Variants in KLF15 observed in about 807,000 individuals in gnomAD.
The protein encoded by KLF15 is Krueppel-like factor 15.
KLF15 carries 4 observed loss-of-function variants against 24.6 expected under a neutral mutation model. That is an observed-to-expected ratio of 0.16 (90% CI 0.08 to 0.37). The LOEUF is 0.37. KLF15 is among the 10% of genes least tolerant of loss of function. KLF15 has a pLI of 1.00. For synonymous variants in KLF15, 246 were observed against 236.3 expected (o/e 1.04, Z -0.37); for missense variants, 496 against 560.6 (o/e 0.88, Z 1.16).
the KLF15 span, among the ~76,000 whole-genome samples, chr3:126,296,820 G>A: frequency 1.3e-5 from 2 of 152,132 alleles, no homozygotes; most frequent in Admixed American, 6.5e-5. Context: ...TATTTTGAGG[G>A]GATATTCATC....
chr3:126,350,430 A>G (rs964050032), intron 2 of KLF15, among the ~76,000 whole-genome samples: 1 of 152,220 alleles, frequency 6.6e-6, no homozygotes, highest in African/African-American at 2.4e-5. Context: ...AGGGGCCTCC[A>G]TAAACCTAGA....
At chr3:126,339,624 C>T (rs2082464651), downstream of KLF15, among the ~76,000 whole-genome samples, 1 of 152,202 alleles carries the variant, frequency 6.6e-6, no homozygotes, top group Non-Finnish European at 1.5e-5. Flanking sequence ...TTCAGATCGC[C>T]TCCTCATGCC....
At chr3:126,316,521 T>TGGGGAGGGAGTACGTGGGCCGGAGTA in the KLF15 span, among the ~76,000 whole-genome samples, 269 of 25,518 alleles carry the variant, frequency 0.011, 4 homozygotes, top group African/African-American at 0.053. Flanking sequence ...TGAGCTGCAG[T>TGGGGAGGGAGTACGTGGGCCGGAGTA]GGGGAGGGAG....
At chr3:126,300,459 G>A in the KLF15 span, among the ~76,000 whole-genome samples, 1 of 152,322 alleles carries the variant, frequency 6.6e-6, no homozygotes, top group East Asian at 1.9e-4. Context: ...GAGCGTCGGG[G>A]GTCTTCCTCC....
At chr3:126,326,742 CTGT>C in the KLF15 span, among the ~76,000 whole-genome samples, 108 of 152,182 alleles carry the variant, frequency 7.1e-4, no homozygotes, top group African/African-American at 2.6e-3. Context: ...TTGTTTTTAA[CTGT>C]TGTTGTATTT....
chr3:126,341,075 C>T (rs771116178), downstream of KLF15, among the ~76,000 whole-genome samples: 4 of 152,190 alleles, frequency 2.6e-5, no homozygotes, highest in Non-Finnish European at 4.4e-5. Flanking sequence ...CCAGGATCAA[C>T]AGGCAGTGCG....
the KLF15 span, among the ~76,000 whole-genome samples, chr3:126,291,926 C>T: frequency 6.8e-4 from 104 of 152,328 alleles, no homozygotes; most frequent in African/African-American, 2.5e-3. Context: ...CAGAAGTCCC[C>T]GAGTACCCAC....
chr3:126,346,275 CGCCTCCCAG>C lies in KLF15; in HGVS notation c.1083-2389_1083-2381del, dbSNP rs565256936. Among the ~76,000 whole-genome samples, 166 of 152,300 alleles carry C rather than the reference CGCCTCCCAG, an allele frequency of 1.1e-3. 1 individual carries two copies. Among genetic ancestry groups the C allele is most frequent in the African/African-American group, 3.8e-3 (157 of 41,574 alleles). The stretch of plus-strand genomic sequence containing the variant: ...AGAAAGCTGCAGACACAGAGTGCCA[CGCCTCCCAG>C]GCTGCAGCCCTGGGGTCACCCAGCA... On this transcript the variant is annotated intron_variant, in intron 2 of 2. Coordinates refer to ENST00000296233, the MANE Select transcript of KLF15 (RefSeq NM_014079.4).
chr3:126,296,992 C>T, the KLF15 span, among the ~76,000 whole-genome samples: 1 of 152,114 alleles, frequency 6.6e-6, no homozygotes, highest in East Asian at 1.9e-4. Context: ...CCAAGCTGGA[C>T]TTGAACTCTG....
chr3:126,331,471 G>A, the KLF15 span, among the ~76,000 whole-genome samples: 2 of 152,272 alleles, frequency 1.3e-5, no homozygotes, highest in East Asian at 1.9e-4. Context: ...AATGAACCCT[G>A]AGAAGATGCA....
intron 2 of KLF15, among the ~76,000 whole-genome samples, chr3:126,348,750 G>A (rs542782364): frequency 5.2e-4 from 79 of 152,338 alleles, no homozygotes; most frequent in East Asian, 2.3e-3. Context: ...GGAGGCCAGC[G>A]TGGCTGGATC....
chr3:126,353,843 T>G (rs1470050078), intron 1 of KLF15, among the ~76,000 whole-genome samples: 1 of 151,990 alleles, frequency 6.6e-6, no homozygotes, highest in East Asian at 1.9e-4. Context: ...ATCCGTGGAG[T>G]GGAAGCAGAC....
intron 2 of KLF15, among the ~76,000 whole-genome samples, chr3:126,348,248 C>T (rs1353758718): frequency 6.6e-6 from 1 of 151,922 alleles, no homozygotes; most frequent in Non-Finnish European, 1.5e-5. Flanking sequence ...ATAGGGACAA[C>T]ATGCTGATGC....
chr3:126,354,742 C>T (rs2082616506), intron 1 of KLF15, among the ~76,000 whole-genome samples: 1 of 152,228 alleles, frequency 6.6e-6, no homozygotes, highest in East Asian at 1.9e-4. Flanking sequence ...CTGTGAAGGG[C>T]ACAAGGCTGG....
chr3:126,344,823 G>A (rs1309291641), intron 2 of KLF15, among the ~76,000 whole-genome samples: 2 of 152,232 alleles, frequency 1.3e-5, no homozygotes, highest in African/African-American at 2.4e-5. Context: ...TGGGAGTTCA[G>A]GTGGCTCCCG....
chr3:126,352,293 G>A lies in KLF15; in HGVS notation c.630C>T (p.Gly210=), dbSNP rs1037963392. Residue 210 remains glycine (G), a synonymous_variant, in exon 2 of 3, where the codon GGC becomes GGT. Coordinates refer to ENST00000296233, the MANE Select transcript of KLF15 (RefSeq NM_014079.4). The part of the protein sequence containing the change: ...SAGGAQGPGG[G]PTPDGPIPVL... The stretch of plus-strand genomic sequence containing the variant: ...CTGGGATGGGGCCATCAGGCGTGGG[G>A]CCCCCACCTGGGCCCTGGGCACCTC... 1.3e-5 allele frequency: 20 copies of A among 1,547,212 alleles called. No individual in the cohort carries two copies. Among genetic ancestry groups the A allele is most frequent in the African/African-American group, 2.7e-5 (2 of 72,866 alleles).
downstream of KLF15, among the ~76,000 whole-genome samples, chr3:126,340,890 G>A (rs2082475090): frequency 8.8e-6 from 1 of 114,040 alleles, no homozygotes; most frequent in South Asian, 3.2e-4. Context: ...TGCTGACATT[G>A]GGGCTGCAGC....
At chr3:126,308,410 A>G in the KLF15 span, among the ~76,000 whole-genome samples, 2 of 151,214 alleles carry the variant, frequency 1.3e-5, no homozygotes, top group Non-Finnish European at 2.9e-5. Flanking sequence ...AGCCAAGGAA[A>G]TCCCCCAAAG....
At chr3:126,335,373 AC>A in the KLF15 span, among the ~76,000 whole-genome samples, 4 of 136,136 alleles carry the variant, frequency 2.9e-5, no homozygotes, top group African/African-American at 1.1e-4. Context: ...AAATTCAACA[AC>A]CCTTCATGCT....
Sources: gnomAD v4.1 joint callset for allele counts (sites outside exome capture counted in the v4.1 genomes callset) on GRCh38, gnomAD v4.1.1 for gene constraint, MANE v1.5 for transcripts, NCBI Gene and HGNC (gene_info 2026-07-23, HGNC 2026-07-21) for gene names.